The following HPSE2 variants were observed in gnomAD, a reference collection of about 807,000 sequenced individuals.
HPSE2 encodes inactive heparanase-2.
A neutral mutation model predicts 60.5 loss-of-function variants in HPSE2; 38 were observed. That is an observed-to-expected ratio of 0.63 (90% confidence interval 0.48 to 0.82). The LOEUF is 0.82. HPSE2 is among the 40% of genes least tolerant of loss of function. HPSE2 has a pLI of 0.00. For missense variants in HPSE2, 713 were observed against 740.4 expected (o/e 0.96, Z 0.43); for synonymous variants, 295 against 293.2 (o/e 1.01, Z -0.06).
chr10:99,004,357 C>G (rs1220379420), intron 3 of HPSE2, among the ~76,000 whole-genome samples: 2 of 151,096 alleles, frequency 1.3e-5, no homozygotes, highest in African/African-American at 2.4e-5. Context: ...TGCTGTCTTC[C>G]TTTGCAGTTA....
intron 2 of HPSE2, among the ~76,000 whole-genome samples, chr10:99,204,584 C>T (rs1008401062): frequency 1.3e-5 from 2 of 152,226 alleles, no homozygotes; most frequent in East Asian, 3.9e-4. Context: ...GATGTATAAA[C>T]CGCCTGATAA....
At chr10:98,935,235 C>T (rs1315600131) in intron 3 of HPSE2, among the ~76,000 whole-genome samples, 1 of 142,434 alleles carries the variant, frequency 7.0e-6, no homozygotes, top group Non-Finnish European at 1.5e-5. Context: ...GAATATAATC[C>T]TTTAGCTCAA....
intron 2 of HPSE2, among the ~76,000 whole-genome samples, chr10:99,197,448 C>T (rs953096853): frequency 6.6e-6 from 1 of 152,090 alleles, no homozygotes; most frequent in African/African-American, 2.4e-5. Flanking sequence ...TTTCACATTG[C>T]ATGCTTGTAT....
At chr10:98,705,706 G>A (rs937812455) in intron 5 of HPSE2, among the ~76,000 whole-genome samples, 2 of 152,130 alleles carry the variant, frequency 1.3e-5, no homozygotes, top group Admixed American at 6.6e-5. Flanking sequence ...GCTGAACAAT[G>A]AGAACACATG....
chr10:98,526,813 G>T (rs1324581777), intron 9 of HPSE2, among the ~76,000 whole-genome samples: 1 of 152,174 alleles, frequency 6.6e-6, no homozygotes, highest in Non-Finnish European at 1.5e-5. Flanking sequence ...CACTGGGGTT[G>T]AGGGGATGAA....
rs376503835 is a variant in HPSE2 at position 99,152,878 on chromosome 10, G to A, written c.449-8479C>T. ...CTAGGGAGTGCCAGACAGTGGGCGC[G>A]GGTCAGTGGGTGCGCGCATCGTGCG... On this transcript the variant is annotated intron_variant, in intron 2 of 11. Coordinates refer to ENST00000370552, the MANE Select transcript of HPSE2 (RefSeq NM_021828.5). Among the ~76,000 whole-genome samples, 142 of 152,298 alleles carry A rather than the reference G, an allele frequency of 9.3e-4. 1 individual carries two copies. The highest frequency in any genetic ancestry group is 3.2e-3 in the African/African-American group (131 of 41,580).
At chr10:99,144,571 C>T (rs963101173) in intron 2 of HPSE2, among the ~76,000 whole-genome samples, 172 bp from the exon 3 acceptor site, 1 of 152,110 alleles carries the variant, frequency 6.6e-6, no homozygotes, top group Non-Finnish European at 1.5e-5. Flanking sequence ...CATGACACAT[C>T]CTGAAAGTTC....
At chr10:98,518,314 G>C (rs1942669636) in intron 9 of HPSE2, among the ~76,000 whole-genome samples, 1 of 152,160 alleles carries the variant, frequency 6.6e-6, no homozygotes, top group African/African-American at 2.4e-5. Flanking sequence ...ACAGTAATTA[G>C]AAGTTAGATG....
At chr10:99,099,265 G>A (rs988689332) in intron 3 of HPSE2, among the ~76,000 whole-genome samples, 9 of 152,320 alleles carry the variant, frequency 5.9e-5, no homozygotes, top group African/African-American at 1.9e-4. Flanking sequence ...GTGACAGACG[G>A]CACCTGGAAA....
chr10:98,852,112 G>T (rs1430277127), intron 3 of HPSE2, among the ~76,000 whole-genome samples: 1 of 82,758 alleles, frequency 1.2e-5, no homozygotes, highest in Non-Finnish European at 2.3e-5. Flanking sequence ...TGTATATTAT[G>T]ATGTGTGTGT....
the HPSE2 span, among the ~76,000 whole-genome samples, chr10:99,258,164 T>C: frequency 6.6e-6 from 1 of 151,822 alleles, no homozygotes; most frequent in Non-Finnish European, 1.5e-5. Context: ...TTGTGGGTTA[T>C]AAGATCAATA....
At chr10:99,195,336 G>T (rs55674365) in intron 2 of HPSE2, among the ~76,000 whole-genome samples, 1 of 151,878 alleles carries the variant, frequency 6.6e-6, no homozygotes, top group African/African-American at 2.4e-5. Flanking sequence ...CCACTGCTAC[G>T]CAGCATAGTA....
intron 3 of HPSE2, among the ~76,000 whole-genome samples, chr10:98,864,041 G>A (rs769811236): frequency 1.3e-4 from 19 of 151,908 alleles, no homozygotes; most frequent in South Asian, 2.1e-4. Context: ...ATTAAAAAAC[G>A]TCTTCTAATT....
intron 9 of HPSE2, among the ~76,000 whole-genome samples, chr10:98,564,478 T>C (rs1944281495): frequency 6.6e-6 from 1 of 152,230 alleles, no homozygotes; most frequent in Non-Finnish European, 1.5e-5. Flanking sequence ...AAATTTTTAG[T>C]TGTCCAGTAA....
the HPSE2 span, among the ~76,000 whole-genome samples, chr10:99,293,754 A>G: frequency 1.1e-4 from 16 of 152,232 alleles, no homozygotes; most frequent in African/African-American, 1.9e-4. Context: ...AATCAATAAT[A>G]TAACAATTAC....
intron 3 of HPSE2, among the ~76,000 whole-genome samples, chr10:98,992,754 C>T (rs1461360680): frequency 2.0e-5 from 3 of 152,170 alleles, no homozygotes; most frequent in Non-Finnish European, 4.4e-5. Flanking sequence ...TCAATGGTAG[C>T]CATGTGTACA....
chr10:98,508,126 GAC>G (rs544464703), intron 9 of HPSE2, among the ~76,000 whole-genome samples: 24 of 152,296 alleles, frequency 1.6e-4, no homozygotes, highest in African/African-American at 5.3e-4. Flanking sequence ...GACAAAGAGA[GAC>G]ACAGACAGAC....
chr10:99,267,431 C>T, the HPSE2 span, among the ~76,000 whole-genome samples: 24 of 152,004 alleles, frequency 1.6e-4, no homozygotes, highest in East Asian at 4.5e-3. Context: ...CCAACAAACA[C>T]AAAGAAAAAA....
At chr10:98,728,324 A>T (rs1456153150) in intron 4 of HPSE2, among the ~76,000 whole-genome samples, 1 of 152,172 alleles carries the variant, frequency 6.6e-6, no homozygotes. Context: ...TCTGTATTAA[A>T]CTAGAATTAA....
Sources: allele counts gnomAD v4.1 joint callset (sites outside exome capture counted in the v4.1 genomes callset), GRCh38; gene constraint gnomAD v4.1.1; transcripts MANE v1.5; gene names NCBI Gene and HGNC (gene_info 2026-07-23, HGNC 2026-07-21).